The following PI4KA variants were observed in gnomAD, a reference collection of about 807,000 sequenced individuals.
The protein encoded by PI4KA is phosphatidylinositol 4-kinase alpha.
Under a neutral mutation model 271.4 loss-of-function variants are expected in PI4KA, and 122 were observed. The observed-to-expected ratio is 0.45, with a 90% confidence interval of 0.39 to 0.52. PI4KA has a LOEUF of 0.52. Ranked by LOEUF, PI4KA falls within the 20% of genes least tolerant of loss-of-function variation. The pLI is 0.00. For missense variants in PI4KA, 1,969 were observed against 2,769.1 expected, an observed-to-expected ratio of 0.71 and a Z score of 6.48; for synonymous variants, 1,041 against 1,078.8, an observed-to-expected ratio of 0.96 and a Z score of 0.69.
intron 32 of PI4KA, among the ~76,000 whole-genome samples, chr22:20,735,870 TG>T (rs532438636): frequency 1.8e-4 from 28 of 152,094 alleles, no homozygotes; most frequent in Non-Finnish European, 3.5e-4. Flanking sequence ...GAGAAAAAAA[TG>T]GGGGGGACCC....
At chr22:20,738,465 A>T (rs1928993631) in intron 32 of PI4KA, among the ~76,000 whole-genome samples, 1 of 152,232 alleles carries the variant, frequency 6.6e-6, no homozygotes, top group Non-Finnish European at 1.5e-5. Context: ...TGAAGGTCCC[A>T]GACCCCTGTA....
intron 45 of PI4KA, among the ~76,000 whole-genome samples, chr22:20,715,236 A>G (rs1925837350): frequency 2.0e-5 from 3 of 151,542 alleles, no homozygotes. Context: ...ATGCCTGGCT[A>G]ATTTTTGTAT....
chr22:20,810,890 G>A (rs575033193), intron 9 of PI4KA, 77 bp downstream of exon 9: 20 of 1,102,558 alleles, frequency 1.8e-5, no homozygotes, highest in East Asian at 9.4e-5. Context: ...TCCAGCCCCC[G>A]CTCAAACTCT....
At chr22:20,756,081 G>T (rs917755440) in intron 23 of PI4KA, among the ~76,000 whole-genome samples, 4 of 152,278 alleles carry the variant, frequency 2.6e-5, no homozygotes, top group Admixed American at 2.0e-4. Context: ...AAGTGGGACC[G>T]CAGCAATTTG....
intron 3 of PI4KA, among the ~76,000 whole-genome samples, chr22:20,827,470 T>C (rs1015402210): frequency 2.0e-5 from 3 of 152,180 alleles, no homozygotes; most frequent in Non-Finnish European, 2.9e-5. Flanking sequence ...GAGGTGAAGT[T>C]TGAAGTTGGG....
chr22:20,759,386 C>A (rs995029073), intron 23 of PI4KA, among the ~76,000 whole-genome samples: 8 of 135,762 alleles, frequency 5.9e-5, no homozygotes, highest in Non-Finnish European at 1.3e-4. Flanking sequence ...GTTGATTTTT[C>A]TTTTTCTTTT....
intron 27 of PI4KA, 93 bp from the exon 28 acceptor site, chr22:20,750,087 A>G: frequency 1.2e-6 from 1 of 800,584 alleles, no homozygotes; most frequent in South Asian, 1.4e-5. Flanking sequence ...GTCTCCCCAA[A>G]TCCCTATGCT....
chr22:20,761,033 G>A (rs944569344), intron 23 of PI4KA, among the ~76,000 whole-genome samples: 2 of 152,204 alleles, frequency 1.3e-5, no homozygotes, highest in East Asian at 1.9e-4. Context: ...GTGCCCATCC[G>A]AGGAGCCCTG....
In PI4KA at chr22:20,713,326, G is replaced by T; in HGVS notation, c.5526C>A (p.Ile1842=). Residue 1842 remains isoleucine, a synonymous_variant, in exon 48 of 55, where the codon ATC becomes ATA. Transcript: ENST00000255882. Reference sequence around the variant, plus strand: ...CCTTGAAGATGGCTGCCTGCCAGGAGATCTTCTGGCCGTCGGCCTCCTGCG... The same window carrying T: ...CCTTGAAGATGGCTGCCTGCCAGGATATCTTCTGGCCGTCGGCCTCCTGCG... ...CSTQEADGQK[I]SWQAAIFKVG... is the part of the protein sequence containing the mutation. 1.0e-5 allele frequency: 16 copies of T among 1,600,654 alleles called. No individual in the cohort carries two copies. The highest frequency in any genetic ancestry group is 1.4e-5 in the Non-Finnish European group (16 of 1,172,814).
At chr22:20,851,838 T>C (rs751084223) in intron 1 of PI4KA, among the ~76,000 whole-genome samples, 1 of 152,182 alleles carries the variant, frequency 6.6e-6, no homozygotes, top group Non-Finnish European at 1.5e-5. Context: ...TCTGGCCAAC[T>C]TGGCAATGTT....
chr22:20,751,591 G>T, intron 26 of PI4KA, 83 bp downstream of exon 26: 2 of 1,209,750 alleles, frequency 1.7e-6, no homozygotes, highest in Non-Finnish European at 2.5e-6. Flanking sequence ...AGAGAAGCAT[G>T]CCACAACACA....
intron 1 of PI4KA, among the ~76,000 whole-genome samples, chr22:20,857,271 T>C (rs541715475): frequency 1.3e-5 from 2 of 152,240 alleles, no homozygotes; most frequent in East Asian, 1.9e-4. Context: ...TCCAAACTCA[T>C]GTCCTTTCCA....
chr22:20,858,570 C>T lies in PI4KA; in HGVS notation c.156G>A (p.Lys52=), dbSNP rs1025286703. 7.2e-7 allele frequency: 1 copy of T among 1,390,682 alleles called. No individual in the cohort carries two copies. Among genetic ancestry groups the T allele is most frequent in the African/African-American group, 1.5e-5 (1 of 67,330 alleles). 86.1% of individuals were successfully genotyped at this position (1,390,682 alleles called of 1,614,324 possible). A position where few individuals can be genotyped will look rare whatever the true frequency, so the allele number is the denominator to read the frequency against. ...LAVQRPASLE[K]VQKLLCMCPV... is the part of the protein sequence containing the mutation. ...CCGCGGCCCAGCCCGCCGACGTTAC[C>T]TTCTCCAAGGATGCTGGTCTCTGCA... Residue 52 remains lysine, a splice_region_variant and synonymous_variant, in exon 1 of 55, where the codon AAG becomes AAA. Transcript: ENST00000255882.
intron 27 of PI4KA, among the ~76,000 whole-genome samples, 163 bp downstream of exon 27, chr22:20,751,130 C>A (rs180988331): frequency 1.3e-5 from 2 of 152,128 alleles, no homozygotes; most frequent in East Asian, 3.9e-4. Context: ...CTCGGTGGAG[C>A]CTGGCAATGG....
chr22:20,801,906 TC>T, intron 14 of PI4KA, 66 bp downstream of exon 14: 1 of 1,550,622 alleles, frequency 6.4e-7, no homozygotes, highest in Non-Finnish European at 8.9e-7. Flanking sequence ...TATAAATGTC[TC>T]TTATTTTGTA....
At chr22:20,798,383 C>T (rs954617608) in intron 17 of PI4KA, 21 of 555,904 alleles carry the variant, frequency 3.8e-5, no homozygotes, top group African/African-American at 2.3e-4. Context: ...GAGCTGAGAC[C>T]TCGTGCGCTG....
intron 11 of PI4KA, 73 bp from the exon 12 acceptor site, chr22:20,804,473 T>C (rs1355398997): frequency 5.9e-6 from 6 of 1,022,122 alleles, no homozygotes; most frequent in East Asian, 4.7e-5. Context: ...ATCCACCAAG[T>C]AAGCACAGAA....
chr22:20,756,684 G>A (rs147316583), intron 23 of PI4KA, among the ~76,000 whole-genome samples: 1,862 of 152,164 alleles, frequency 0.012, 18 homozygotes, highest in Admixed American at 0.019. Flanking sequence ...AGGCTGGAGC[G>A]CAGTGGTGTG....
intron 30 of PI4KA, among the ~76,000 whole-genome samples, 199 bp downstream of exon 30, chr22:20,744,429 T>C (rs767801730): frequency 3.2e-5 from 4 of 124,460 alleles, no homozygotes; most frequent in East Asian, 5.1e-4. Flanking sequence ...TACCCTCTTG[T>C]GGAAAAAACA....
Sources: allele counts gnomAD v4.1 joint callset (sites outside exome capture counted in the v4.1 genomes callset), GRCh38; gene constraint gnomAD v4.1.1; transcripts MANE v1.5; gene names NCBI Gene and HGNC (gene_info 2026-07-23, HGNC 2026-07-21).